CCDC60: variants seen among roughly 807,000 people sequenced by gnomAD.
CCDC60 encodes the protein coiled-coil domain-containing protein 60.
CCDC60 carries 54 observed loss-of-function variants against 63.5 expected under a neutral mutation model. That is an observed-to-expected ratio of 0.85 (90% CI 0.68 to 1.07). The LOEUF (loss-of-function observed/expected upper bound fraction) is 1.07, where lower values mean the gene tolerates loss of function less well. Among genes scored for constraint, CCDC60 ranks in the 50% least tolerant of loss-of-function variants. CCDC60 has a pLI of 0.00. For synonymous variants in CCDC60, 206 were observed against 238.8 expected (o/e 0.86, Z 1.27); for missense variants, 651 against 684.3 (o/e 0.95, Z 0.54).
chr12:119,341,343 G>C (rs1305984380), intron 1 of CCDC60, among the ~76,000 whole-genome samples: 1 of 152,116 alleles, frequency 6.6e-6, no homozygotes, highest in East Asian at 1.9e-4. Context: ...CTGCTCTGCA[G>C]GGGGAGGGGA....
chr12:119,522,609 G>GA (rs1952558834), intron 9 of CCDC60, among the ~76,000 whole-genome samples: 1 of 152,192 alleles, frequency 6.6e-6, no homozygotes, highest in Non-Finnish European at 1.5e-5. Context: ...CTGAGATCCA[G>GA]AAAAGACGTA....
chr12:119,500,587 C>T (rs575640976), intron 6 of CCDC60, among the ~76,000 whole-genome samples: 3 of 143,490 alleles, frequency 2.1e-5, no homozygotes, highest in African/African-American at 7.7e-5. Context: ...GGCACACTAG[C>T]TCATGCTTGT....
intron 2 of CCDC60, among the ~76,000 whole-genome samples, chr12:119,434,074 G>A (rs149474863): frequency 6.6e-5 from 10 of 152,308 alleles, no homozygotes; most frequent in Non-Finnish European, 1.2e-4. Context: ...ACATGAAGCC[G>A]TGATTGGCAA....
intron 6 of CCDC60, 89 bp from the exon 7 acceptor site, chr12:119,504,980 T>C: frequency 1.0e-6 from 1 of 972,858 alleles, no homozygotes; most frequent in African/African-American, 1.6e-5. Flanking sequence ...CTGCTGTCCC[T>C]CCCCACCTTC....
At chr12:119,383,292 G>A (rs915316954) in intron 1 of CCDC60, among the ~76,000 whole-genome samples, 1 of 152,158 alleles carries the variant, frequency 6.6e-6, no homozygotes, top group Non-Finnish European at 1.5e-5. Flanking sequence ...TGCTTCTATA[G>A]CATCTCTTTC....
chr12:119,382,475 G>A (rs1294056216), intron 1 of CCDC60, among the ~76,000 whole-genome samples: 1 of 151,598 alleles, frequency 6.6e-6, no homozygotes, highest in Non-Finnish European at 1.5e-5. Context: ...CTGATGAAGG[G>A]GTGGAGGGAA....
intron 2 of CCDC60, among the ~76,000 whole-genome samples, chr12:119,447,595 C>T (rs1950564518): frequency 6.6e-6 from 1 of 152,182 alleles, no homozygotes; most frequent in South Asian, 2.1e-4. Flanking sequence ...CAATCCCTCC[C>T]ATTCCATTTA....
chr12:119,344,083 C>T (rs141869330), intron 1 of CCDC60, among the ~76,000 whole-genome samples: 395 of 152,250 alleles, frequency 2.6e-3, no homozygotes, highest in African/African-American at 9.2e-3. Flanking sequence ...CCAGGCTTTA[C>T]GTTTCAGCAG....
chr12:119,347,300 T>G (rs922036830), intron 1 of CCDC60, among the ~76,000 whole-genome samples: 5 of 152,168 alleles, frequency 3.3e-5, no homozygotes, highest in Admixed American at 2.6e-4. Context: ...CTGGGGTGTG[T>G]GTGGCTGAAA....
At chr12:119,352,388 G>T (rs893482783) in intron 1 of CCDC60, among the ~76,000 whole-genome samples, 2 of 152,206 alleles carry the variant, frequency 1.3e-5, no homozygotes, top group African/African-American at 2.4e-5. Context: ...TGTGCCAGGT[G>T]ATTTACAAAC....
chr12:119,540,343 A>G (rs1953123365), intron 13 of CCDC60, among the ~76,000 whole-genome samples: 1 of 152,250 alleles, frequency 6.6e-6, no homozygotes, highest in Non-Finnish European at 1.5e-5. Flanking sequence ...AAATGCAGAT[A>G]GCTGGGACTT....
At chr12:119,435,654 T>C (rs2136246059) in intron 2 of CCDC60, among the ~76,000 whole-genome samples, 1 of 152,346 alleles carries the variant, frequency 6.6e-6, no homozygotes, top group East Asian at 1.9e-4. Flanking sequence ...GTCTTGTTGA[T>C]TAATTCCTCA....
At chr12:119,337,346 C>T (rs1303390921) in intron 1 of CCDC60, among the ~76,000 whole-genome samples, 3 of 152,148 alleles carry the variant, frequency 2.0e-5, no homozygotes, top group Non-Finnish European at 2.9e-5. Context: ...AACATCAGAG[C>T]GGGAGCAGCA....
chr12:119,397,114 T>C (rs1956270865), intron 1 of CCDC60, among the ~76,000 whole-genome samples: 1 of 152,208 alleles, frequency 6.6e-6, no homozygotes, highest in Non-Finnish European at 1.5e-5. Context: ...TTTCTCCCTG[T>C]GAGTTCATGC....
chr12:119,362,364 A>G lies in CCDC60; in HGVS notation c.90+27098A>G, dbSNP rs184362960. Among the ~76,000 whole-genome samples, 3 of 152,280 alleles carry G rather than the reference A, an allele frequency of 2.0e-5. No homozygotes were observed. In the East Asian group the frequency reaches 5.8e-4, roughly 29 times the overall value. On this transcript the variant is annotated intron_variant, in intron 1 of 13. Transcript: ENST00000327554. ...ATAAATATATAAAACATTCCAGAAG[A>G]TTCTCTCATCTCTTCCTATCAATAC...
At chr12:119,473,499 G>C (rs1179172506) in intron 3 of CCDC60, among the ~76,000 whole-genome samples, 1 of 152,068 alleles carries the variant, frequency 6.6e-6, no homozygotes, top group Non-Finnish European at 1.5e-5. Flanking sequence ...GGTGGTGTTT[G>C]GTTACATGAA....
At chr12:119,381,918 C>A (rs1043772450) in intron 1 of CCDC60, among the ~76,000 whole-genome samples, 1 of 152,200 alleles carries the variant, frequency 6.6e-6, no homozygotes, top group African/African-American at 2.4e-5. Context: ...AAGGAAAATT[C>A]TTGTTTTCTA....
At chr12:119,497,111 C>T (rs560569200) in intron 5 of CCDC60, among the ~76,000 whole-genome samples, 1 of 152,314 alleles carries the variant, frequency 6.6e-6, no homozygotes, top group South Asian at 2.1e-4. Context: ...GCTATTAAAT[C>T]ATCTACCCGA....
chr12:119,379,333 A>T (rs1259823020), intron 1 of CCDC60, among the ~76,000 whole-genome samples: 2 of 152,202 alleles, frequency 1.3e-5, no homozygotes, highest in Non-Finnish European at 2.9e-5. Context: ...TGGCCTGGAC[A>T]CCCAGGAGAT....
Sources: gnomAD v4.1 joint callset for allele counts (sites outside exome capture counted in the v4.1 genomes callset) on GRCh38, gnomAD v4.1.1 for gene constraint, MANE v1.5 for transcripts, NCBI Gene and HGNC (gene_info 2026-07-23, HGNC 2026-07-21) for gene names.